The following KCND2 variants were observed in gnomAD, a reference collection of about 807,000 sequenced individuals.
KCND2 encodes A-type voltage-gated potassium channel KCND2.
A neutral mutation model predicts 54.4 loss-of-function variants in KCND2; 16 were observed. That is an observed-to-expected ratio of 0.29 (90% confidence interval 0.20 to 0.45). The LOEUF (loss-of-function observed/expected upper bound fraction) is 0.45. KCND2 is among the 20% of genes least tolerant of loss of function. The probability of loss-of-function intolerance (pLI) is 1.00; values close to 1 mark genes in which losing one functional copy is unlikely to be tolerated. For synonymous variants in KCND2, 317 were observed against 310.7 expected (o/e 1.02, Z -0.21); for missense variants, 486 against 824.2 (o/e 0.59, Z 5.02).
chr7:120,450,051 A>T (rs758087825), intron 1 of KCND2, among the ~76,000 whole-genome samples: 21 of 152,228 alleles, frequency 1.4e-4, no homozygotes, highest in Non-Finnish European at 8.8e-5. Context: ...ACTCTAGTGA[A>T]GATCCCATTT....
chr7:120,427,821 A>T (rs1461040684), intron 1 of KCND2, among the ~76,000 whole-genome samples: 2 of 152,144 alleles, frequency 1.3e-5, no homozygotes, highest in Non-Finnish European at 2.9e-5. Flanking sequence ...AAAAATGCCT[A>T]CATCTCTCTC....
intron 2 of KCND2, among the ~76,000 whole-genome samples, chr7:120,737,068 ACACACAC>A (rs1562924294): frequency 2.8e-5 from 4 of 144,140 alleles, no homozygotes; most frequent in East Asian, 2.0e-4. Flanking sequence ...ACACACACAC[ACACACAC>A]AAACAAAAAA....
chr7:120,400,018 A>G (rs1308777451), intron 1 of KCND2, among the ~76,000 whole-genome samples: 1 of 152,014 alleles, frequency 6.6e-6, no homozygotes, highest in Non-Finnish European at 1.5e-5. Flanking sequence ...GAGCCACCGC[A>G]CCCGGCCTCT....
chr7:120,383,356 T>G (rs1800939500), intron 1 of KCND2, among the ~76,000 whole-genome samples: 3 of 152,028 alleles, frequency 2.0e-5, no homozygotes, highest in Admixed American at 1.3e-4. Context: ...TGGCACCTTA[T>G]AGTCGTTAAT....
At chr7:120,369,187 T>G (rs1640057197) in intron 1 of KCND2, among the ~76,000 whole-genome samples, 1 of 151,994 alleles carries the variant, frequency 6.6e-6, no homozygotes, top group Admixed American at 6.6e-5. Context: ...AATTAATATT[T>G]TTTAGGATCA....
intron 1 of KCND2, among the ~76,000 whole-genome samples, chr7:120,553,256 C>G (rs1361190259): frequency 1.3e-5 from 2 of 152,126 alleles, no homozygotes; most frequent in Non-Finnish European, 2.9e-5. Context: ...CAGTATTTGT[C>G]TTTGTGTGTC....
At chr7:120,320,293 A>G (rs1181470661) in intron 1 of KCND2, among the ~76,000 whole-genome samples, 1 of 152,164 alleles carries the variant, frequency 6.6e-6, no homozygotes, top group Non-Finnish European at 1.5e-5. Context: ...AGGAAAGATT[A>G]ACTTCTATAA....
At chr7:120,746,085 T>C (rs1793002859) in intron 5 of KCND2, 58 bp downstream of exon 5, 2 of 1,585,298 alleles carry the variant, frequency 1.3e-6, no homozygotes, top group African/African-American at 2.7e-5. Context: ...GGGTGTGTCT[T>C]CTGCACTCAT....
chr7:120,399,863 G>A (rs529845024), intron 1 of KCND2, among the ~76,000 whole-genome samples: 1 of 151,764 alleles, frequency 6.6e-6, no homozygotes, highest in South Asian at 2.1e-4. Context: ...GTAGCTGGAA[G>A]TACAGGTGCC....
intron 1 of KCND2, among the ~76,000 whole-genome samples, chr7:120,344,487 C>A (rs138747722): frequency 2.0e-5 from 3 of 152,228 alleles, no homozygotes; most frequent in Admixed American, 2.0e-4. Flanking sequence ...CCACTTCCTT[C>A]CAAAATAGGC....
chr7:120,718,799 T>C lies in KCND2; in HGVS notation c.1116-14104T>C, dbSNP rs12531553. ...CTCTTTAGGGTGAATAGCAGAGACA[T>C]AAATGAGATAATTAACAGTTGTTTT... is the stretch of plus-strand genomic sequence containing the variant. On this transcript the variant is annotated intron_variant, in intron 1 of 5. Coordinates refer to ENST00000331113, the MANE Select transcript of KCND2 (RefSeq NM_012281.3). Among the ~76,000 whole-genome samples the C allele has an allele frequency of 2.6e-3, 399 of 152,250 alleles. 3 individuals are homozygous for C. The highest frequency in any genetic ancestry group is 8.5e-3 in the African/African-American group (355 of 41,562).
intron 1 of KCND2, among the ~76,000 whole-genome samples, chr7:120,368,029 C>A (rs1202595669): frequency 6.6e-6 from 1 of 152,092 alleles, no homozygotes; most frequent in Non-Finnish European, 1.5e-5. Flanking sequence ...AGTGTCACAT[C>A]TAAATGCCTG....
chr7:120,347,692 G>A (rs974793436), intron 1 of KCND2, among the ~76,000 whole-genome samples: 1 of 151,810 alleles, frequency 6.6e-6, no homozygotes, highest in Admixed American at 6.6e-5. Context: ...AGGAGGCAGA[G>A]GTTGCAGTGA....
At chr7:120,614,489 T>G (rs1792997299) in intron 1 of KCND2, among the ~76,000 whole-genome samples, 1 of 152,224 alleles carries the variant, frequency 6.6e-6, no homozygotes, top group Non-Finnish European at 1.5e-5. Flanking sequence ...TTTGCAATTG[T>G]AGAACTCTGC....
intron 1 of KCND2, among the ~76,000 whole-genome samples, chr7:120,446,813 A>T (rs1321271046): frequency 1.2e-4 from 18 of 152,186 alleles, no homozygotes; most frequent in African/African-American, 4.3e-4. Flanking sequence ...AACGTAGCTA[A>T]TAATTAGTTG....
intron 1 of KCND2, among the ~76,000 whole-genome samples, chr7:120,677,659 A>T (rs1792083896): frequency 6.6e-6 from 1 of 151,726 alleles, no homozygotes; most frequent in South Asian, 2.1e-4. Context: ...AGAACATAGG[A>T]TCCCCTCCTT....
intron 1 of KCND2, among the ~76,000 whole-genome samples, chr7:120,445,854 G>C (rs556027521): frequency 2.0e-5 from 3 of 151,980 alleles, no homozygotes; most frequent in Non-Finnish European, 2.9e-5. Context: ...AAATAACCAA[G>C]AATGGAACCT....
rs143020467 is a variant in KCND2 at position 120,372,389 on chromosome 7, T to C, written c.1115+96642T>C. Among the ~76,000 whole-genome samples the C allele has an allele frequency of 3.3e-5, 5 of 151,924 alleles. No individual in the cohort carries two copies. In the East Asian group the frequency reaches 9.7e-4, roughly 29 times the overall value. The stretch of plus-strand genomic sequence containing the variant: ...AAATGCAGAATTCTCTCATAAACGG[T>C]TTCAAAATTTAATATTACAGCTGTT... On this transcript the variant is annotated intron_variant, in intron 1 of 5. Transcript: ENST00000331113.
At chr7:120,701,633 C>T (rs904000496) in intron 1 of KCND2, among the ~76,000 whole-genome samples, 1 of 151,956 alleles carries the variant, frequency 6.6e-6, no homozygotes, top group South Asian at 2.1e-4. Context: ...GAATGGAGAG[C>T]CCAGAAATAA....
Sources: gnomAD v4.1 joint callset for allele counts (sites outside exome capture counted in the v4.1 genomes callset) on GRCh38, gnomAD v4.1.1 for gene constraint, MANE v1.5 for transcripts, NCBI Gene and HGNC (gene_info 2026-07-23, HGNC 2026-07-21) for gene names.